The following TMEM232 variants were observed in gnomAD, a reference collection of about 807,000 sequenced individuals.
TMEM232 encodes the protein transmembrane protein 232.
TMEM232 carries 80 observed loss-of-function variants against 78.8 expected under a neutral mutation model. That is an observed-to-expected ratio of 1.01 (90% CI 0.85 to 1.22). The LOEUF (loss-of-function observed/expected upper bound fraction) is 1.22, where lower values mean the gene tolerates loss of function less well. TMEM232 is among the 50% of genes most tolerant of loss of function. The probability of loss-of-function intolerance (pLI) is 0.00; values close to 1 mark genes in which losing one functional copy is unlikely to be tolerated. For synonymous variants in TMEM232, 297 were observed against 254.3 expected (o/e 1.17, Z -1.60); for missense variants, 881 against 742.2 (o/e 1.19, Z -2.17).
intron 12 of TMEM232, among the ~76,000 whole-genome samples, chr5:110,457,916 T>C (rs559841847): frequency 3.9e-5 from 6 of 152,210 alleles, no homozygotes; most frequent in South Asian, 4.1e-4. Context: ...TAATGTAATA[T>C]AGTATCTTTA....
At chr5:110,414,816 C>T (rs561305615), downstream of TMEM232, among the ~76,000 whole-genome samples, 42 of 152,242 alleles carry the variant, frequency 2.8e-4, no homozygotes, top group South Asian at 1.0e-3. Context: ...GTCCTTAAAT[C>T]TTCCCAATGT....
At chr5:110,700,401 G>A (rs995630829) in intron 1 of TMEM232, among the ~76,000 whole-genome samples, 7 of 151,920 alleles carry the variant, frequency 4.6e-5, no homozygotes, top group Non-Finnish European at 7.4e-5. Context: ...TACACACTTC[G>A]GAATTAGGGA....
intron 12 of TMEM232, among the ~76,000 whole-genome samples, chr5:110,481,225 A>G (rs949951591): frequency 6.6e-6 from 1 of 152,132 alleles, no homozygotes; most frequent in Non-Finnish European, 1.5e-5. Context: ...TTTTACTTGT[A>G]AGCTGTTCAA....
intron 12 of TMEM232, among the ~76,000 whole-genome samples, chr5:110,518,881 A>C (rs1195938915): frequency 6.6e-6 from 1 of 152,210 alleles, no homozygotes; most frequent in African/African-American, 2.4e-5. Flanking sequence ...AAGAAGTAAC[A>C]AACTCATATA....
intron 10 of TMEM232, among the ~76,000 whole-genome samples, chr5:110,578,290 C>A (rs1247412636): frequency 6.6e-6 from 1 of 151,852 alleles, no homozygotes; most frequent in Non-Finnish European, 1.5e-5. Flanking sequence ...TCACAGATTT[C>A]TGTATTCCAG....
At chr5:110,654,840 G>A (rs556404465) in intron 2 of TMEM232, among the ~76,000 whole-genome samples, 139 of 152,212 alleles carry the variant, frequency 9.1e-4, no homozygotes, top group Non-Finnish European at 1.5e-3. Context: ...GCGGTTTGTA[G>A]TTCTCCTTGA....
chr5:110,391,548 A>G (rs1755198181), intron 3 of TMEM232, among the ~76,000 whole-genome samples: 1 of 152,178 alleles, frequency 6.6e-6, no homozygotes, highest in African/African-American at 2.4e-5. Context: ...TATTAATTGG[A>G]CAGGAAATAT....
At chr5:110,641,497 T>C (rs1256988186) in intron 3 of TMEM232, among the ~76,000 whole-genome samples, 2 of 152,162 alleles carry the variant, frequency 1.3e-5, no homozygotes, top group African/African-American at 2.4e-5. Flanking sequence ...ACTTGCACAA[T>C]TGGAGAAAAG....
chr5:110,686,556 G>A (rs1411456509), intron 1 of TMEM232, among the ~76,000 whole-genome samples: 3 of 151,692 alleles, frequency 2.0e-5, no homozygotes, highest in African/African-American at 7.3e-5. Flanking sequence ...CTCCAAAACT[G>A]TGCGAGTTGA....
intron 2 of TMEM232, among the ~76,000 whole-genome samples, chr5:110,647,479 C>T (rs1015352785): frequency 7.9e-5 from 12 of 151,842 alleles, no homozygotes; most frequent in African/African-American, 2.4e-4. Flanking sequence ...TGCAAAAATA[C>T]GTATGTTATT....
chr5:110,489,978 G>T (rs1764854999), intron 12 of TMEM232, among the ~76,000 whole-genome samples: 1 of 151,848 alleles, frequency 6.6e-6, no homozygotes. Flanking sequence ...AGAAAAATTA[G>T]CTGGGTGTGG....
At chr5:110,548,462 C>T (rs1561669800) in intron 11 of TMEM232, among the ~76,000 whole-genome samples, 4 of 150,394 alleles carry the variant, frequency 2.7e-5, no homozygotes, top group Middle Eastern at 6.9e-3. Context: ...TTTAATAATT[C>T]AAGAATTTAT....
intron 10 of TMEM232, among the ~76,000 whole-genome samples, chr5:110,569,149 G>C (rs1776654183): frequency 6.6e-6 from 1 of 151,862 alleles, no homozygotes; most frequent in Admixed American, 6.6e-5. Context: ...TTCAATAATA[G>C]TGAAATAAAT....
chr5:110,728,113 T>C (rs144974431), upstream of TMEM232, among the ~76,000 whole-genome samples: 18 of 152,120 alleles, frequency 1.2e-4, no homozygotes, highest in African/African-American at 4.3e-4. Context: ...CTCCATAATA[T>C]AAGAATCAGT....
At chr5:110,476,170 A>G (rs1291578708) in intron 12 of TMEM232, among the ~76,000 whole-genome samples, 1 of 152,002 alleles carries the variant, frequency 6.6e-6, no homozygotes, top group East Asian at 1.9e-4. Context: ...CCTATAATTA[A>G]TATTCTGCAG....
intron 5 of TMEM232, among the ~76,000 whole-genome samples, chr5:110,629,666 G>T (rs1475233193): frequency 1.3e-5 from 2 of 150,814 alleles, no homozygotes; most frequent in African/African-American, 4.9e-5. Flanking sequence ...CTTTTTTTCT[G>T]ATACTTTTAT....
At chr5:110,423,906 A>T (rs573234185) in intron 13 of TMEM232, among the ~76,000 whole-genome samples, 1 of 152,210 alleles carries the variant, frequency 6.6e-6, no homozygotes, top group African/African-American at 2.4e-5. Context: ...ATAGATGTTG[A>T]AATTTATAAA....
intron 12 of TMEM232, among the ~76,000 whole-genome samples, chr5:110,496,680 C>G (rs541484382): frequency 1.8e-4 from 27 of 151,928 alleles, no homozygotes; most frequent in Non-Finnish European, 3.8e-4. Flanking sequence ...TAAGGAGAAA[C>G]AGATACCATA....
intron 12 of TMEM232, among the ~76,000 whole-genome samples, chr5:110,451,776 A>G (rs1760311800): frequency 6.6e-6 from 1 of 152,070 alleles, no homozygotes; most frequent in South Asian, 2.1e-4. Flanking sequence ...TTTATTATTT[A>G]TTAGTATCAT....
Sources: allele counts gnomAD v4.1 joint callset (sites outside exome capture counted in the v4.1 genomes callset), GRCh38; gene constraint gnomAD v4.1.1; transcripts MANE v1.5; gene names NCBI Gene and HGNC (gene_info 2026-07-23, HGNC 2026-07-21).